The following SLC5A10 variants were observed in gnomAD, a reference collection of about 807,000 sequenced individuals.
SLC5A10 encodes the protein sodium/mannose cotransporter SLC5A10.
In SLC5A10, 55 loss-of-function variants were observed where a neutral mutation model predicts 68.9. The observed-to-expected ratio is 0.80, with a 90% confidence interval of 0.64 to 1.00. The LOEUF (loss-of-function observed/expected upper bound fraction) is 1.00, where lower values mean the gene tolerates loss of function less well. Ranked by LOEUF, SLC5A10 falls within the 50% of genes least tolerant of loss-of-function variation. SLC5A10 has a pLI of 0.00. For missense variants in SLC5A10, 732 were observed against 819.3 expected, an observed-to-expected ratio of 0.89 and a Z score of 1.30; for synonymous variants, 344 against 344.8, an observed-to-expected ratio of 1.00 and a Z score of 0.02.
At chr17:18,998,775 C>G (rs1447138037) in intron 9 of SLC5A10, among the ~76,000 whole-genome samples, 1 of 152,218 alleles carries the variant, frequency 6.6e-6, no homozygotes, top group Non-Finnish European at 1.5e-5. Flanking sequence ...GTGGTGGGAG[C>G]CTGGGCCAGC....
chr17:18,969,774 A>C, intron 7 of SLC5A10: 1 of 261,828 alleles, frequency 3.8e-6, no homozygotes, highest in Non-Finnish European at 7.2e-6. Context: ...GAGGCCATAA[A>C]ACTGCCTGGG....
chr17:18,990,868 A>G (rs1286534406), intron 9 of SLC5A10, among the ~76,000 whole-genome samples: 1 of 152,210 alleles, frequency 6.6e-6, no homozygotes, highest in Non-Finnish European at 1.5e-5. Flanking sequence ...GGGGCCCTTG[A>G]GTCCTGTCAT....
At chr17:18,979,605 G>A in intron 9 of SLC5A10, 2 of 1,613,544 alleles carry the variant, frequency 1.2e-6, no homozygotes, top group South Asian at 1.1e-5. Context: ...TCTGGGCCAG[G>A]GCACCCTTGA....
intron 7 of SLC5A10, chr17:18,970,767 C>T: frequency 1.9e-6 from 1 of 519,094 alleles, no homozygotes; most frequent in East Asian, 3.3e-5. Context: ...CACTGGGGTG[C>T]CCATGTGCAA....
chr17:18,979,705 G>A (rs748454328), intron 9 of SLC5A10: 19 of 1,611,364 alleles, frequency 1.2e-5, no homozygotes, highest in East Asian at 1.1e-4. Flanking sequence ...AGAATTACAC[G>A]ACTGCAACCC....
intron 1 of SLC5A10, chr17:18,954,118 G>A (rs894378408): frequency 1.3e-5 from 2 of 152,284 alleles, no homozygotes; most frequent in African/African-American, 4.8e-5. Context: ...TCCAATGGAA[G>A]TGAAAATCTG....
At chr17:18,959,088 C>T (rs897382180) in intron 2 of SLC5A10, 47 bp from the exon 3 acceptor site, 10 of 1,566,452 alleles carry the variant, frequency 6.4e-6, no homozygotes, top group Non-Finnish European at 7.0e-6. Flanking sequence ...AGGATGGGGC[C>T]GGCGCAGGGA....
At chr17:18,992,327 G>C (rs567052876) in intron 9 of SLC5A10, among the ~76,000 whole-genome samples, 1 of 152,232 alleles carries the variant, frequency 6.6e-6, no homozygotes, top group Admixed American at 6.5e-5. Flanking sequence ...GAGAGGGGAG[G>C]GCACTGGTCC....
intron 9 of SLC5A10, among the ~76,000 whole-genome samples, chr17:19,005,392 G>T (rs745619946): frequency 3.9e-4 from 60 of 152,032 alleles, no homozygotes; most frequent in South Asian, 6.2e-4. Flanking sequence ...GTCCCCTGGG[G>T]TTGGGACCCT....
chr17:18,990,693 CCA>C (rs922413046), intron 9 of SLC5A10, among the ~76,000 whole-genome samples: 15 of 152,218 alleles, frequency 9.9e-5, no homozygotes, highest in Non-Finnish European at 1.9e-4. Context: ...ATGGATCCCC[CCA>C]CAGTCCTGGC....
rs754528010 is a variant in SLC5A10, at chr17:18,969,125, C to G, written c.527C>G (p.Thr176Arg). The G allele has an allele frequency of 1.2e-6, 2 of 1,613,998 alleles. No individual in the cohort carries two copies. Among genetic ancestry groups the G allele is most frequent in the Non-Finnish European group, 1.7e-6 (2 of 1,179,982 alleles). The change falls in exon 6 of 15, where the codon ACG (threonine) becomes AGG (arginine). Residue 176 changes from threonine to arginine, a missense_variant. Physicochemically the swap from Thr to Arg is moderately conservative, Grantham distance 71. Transcript: ENST00000395645. Reference sequence around the variant, plus strand: ...AACTTCTACCTCTCCACCATCCTCACGCTCGGCATCACAGCCCTGTACACC... The same window carrying G: ...AACTTCTACCTCTCCACCATCCTCAGGCTCGGCATCACAGCCCTGTACACC... Reference protein sequence around the residue: ...GWNFYLSTILTLGITALYTIA... With the variant: ...GWNFYLSTILRLGITALYTIA...
chr17:19,013,323 G>A (rs1312471575), intron 9 of SLC5A10, 87 bp from the exon 10 acceptor site: 1 of 1,577,262 alleles, frequency 6.3e-7, no homozygotes, highest in Admixed American at 1.9e-5. Flanking sequence ...GCAGGTCTGG[G>A]CCAGGCTCCT....
chr17:18,982,744 C>G (rs1160002631), intron 9 of SLC5A10, among the ~76,000 whole-genome samples: 1 of 152,216 alleles, frequency 6.6e-6, no homozygotes, highest in Admixed American at 6.5e-5. Flanking sequence ...GTGCCAAGCC[C>G]GCTGGTGCGA....
Position 19,020,619 on chromosome 17 carries a change from A to G in SLC5A10, c.*188A>G, listed in dbSNP as rs979147031. The G allele has an allele frequency of 1.2e-5, 7 of 590,746 alleles. No individual in the cohort carries two copies. In the Admixed American group the frequency reaches 2.1e-4, roughly 18 times the overall value. 36.6% of individuals were successfully genotyped at this position (590,746 alleles called of 1,614,324 possible). ...ATTAGGGGGGAAATGGGAGAAAATA[A>G]TGTGACATTTCAAAAACAGCACCAA... On this transcript the variant is annotated 3_prime_UTR_variant, in exon 15 of 15. Transcript: ENST00000395645.
rs181625928 is a variant in SLC5A10, at chr17:19,008,875, T to C, written c.983-4535T>C. ...TCTCCCAGGCTGGAGTGCAATGGCC[T>C]GATCTCGGCTCACTGCAACCTCCAT... On this transcript the variant is annotated intron_variant, in intron 9 of 14. Coordinates refer to ENST00000395645, the MANE Select transcript of SLC5A10 (RefSeq NM_001042450.4). Among the ~76,000 whole-genome samples the C allele has an allele frequency of 3.8e-4, 58 of 150,982 alleles. 1 individual carries two copies. In the East Asian group the frequency reaches 9.4e-3, roughly 24 times the overall value.
At chr17:18,970,992 G>A in intron 7 of SLC5A10, 21 bp from the exon 8 acceptor site, 10 of 1,613,312 alleles carry the variant, frequency 6.2e-6, no homozygotes, top group Non-Finnish European at 8.5e-6. Context: ...AACTGTCCCT[G>A]TTCCACCCTG....
intron 9 of SLC5A10, among the ~76,000 whole-genome samples, chr17:18,991,707 G>C (rs557148228): frequency 6.6e-6 from 1 of 152,182 alleles, no homozygotes; most frequent in African/African-American, 2.4e-5. Flanking sequence ...CCCAGGTACC[G>C]TTGTCAAAGC....
intron 9 of SLC5A10, among the ~76,000 whole-genome samples, chr17:19,010,759 A>G (rs570208403): frequency 6.6e-6 from 1 of 152,132 alleles, no homozygotes; most frequent in African/African-American, 2.4e-5. Context: ...GTGGCTCATC[A>G]CCTGTCCTCT....
chr17:18,979,333 T>A (rs937270119), intron 9 of SLC5A10: 2 of 625,002 alleles, frequency 3.2e-6, no homozygotes, highest in African/African-American at 3.7e-5. Flanking sequence ...TCCAGGCCGG[T>A]GACATCTCCA....
Sources: allele counts gnomAD v4.1 joint callset (sites outside exome capture counted in the v4.1 genomes callset), GRCh38; gene constraint gnomAD v4.1.1; transcripts MANE v1.5; gene names NCBI Gene and HGNC (gene_info 2026-07-23, HGNC 2026-07-21).